Variants in GOLIM4 observed in about 807,000 individuals in gnomAD.
GOLIM4 encodes 130 kDa golgi-localized phosphoprotein.
In GOLIM4, 71 loss-of-function variants were observed where a neutral mutation model predicts 107.4. The observed-to-expected ratio is 0.66, with a 90% CI of 0.55 to 0.81. The LOEUF is 0.81. GOLIM4 is among the 30% of genes least tolerant of loss of function. The pLI, the probability that GOLIM4 is intolerant of heterozygous loss-of-function variation, is 0.00. For synonymous variants in GOLIM4, 327 were observed against 294.8 expected, an observed-to-expected ratio of 1.11 and a Z score of -1.12; for missense variants, 830 against 826.1, an observed-to-expected ratio of 1.00 and a Z score of -0.06.
At chr3:168,059,192 C>T (rs1048353741) in intron 1 of GOLIM4, among the ~76,000 whole-genome samples, 3 of 152,136 alleles carry the variant, frequency 2.0e-5, no homozygotes, top group South Asian at 2.1e-4. Flanking sequence ...CTTGCCTTTA[C>T]GGACGCTGCA....
intron 1 of GOLIM4, among the ~76,000 whole-genome samples, chr3:168,050,599 T>G (rs1458133617): frequency 2.6e-5 from 4 of 151,994 alleles, no homozygotes; most frequent in African/African-American, 9.7e-5. Flanking sequence ...AACACTCCCT[T>G]CACCGCCAAT....
chr3:168,016,680 G>A (rs1717382740), intron 14 of GOLIM4, among the ~76,000 whole-genome samples: 3 of 134,016 alleles, frequency 2.2e-5, no homozygotes, highest in Admixed American at 2.1e-4. Flanking sequence ...AAGAAAATGT[G>A]GCACATATAC....
intron 5 of GOLIM4, 59 bp downstream of exon 5, chr3:168,043,320 T>C: frequency 8.1e-7 from 1 of 1,231,154 alleles, no homozygotes; most frequent in Non-Finnish European, 1.2e-6. Context: ...ACAGTTGCAC[T>C]GAAACATTAA....
chr3:168,028,385 TG>T (rs952795910), intron 11 of GOLIM4, among the ~76,000 whole-genome samples: 1 of 152,184 alleles, frequency 6.6e-6, no homozygotes, highest in African/African-American at 2.4e-5. Flanking sequence ...TGCTGCTTTT[TG>T]AAAAAATATT....
At chr3:168,022,634 C>G (rs78090302) in intron 14 of GOLIM4, among the ~76,000 whole-genome samples, 4,480 of 152,142 alleles carry the variant, frequency 0.029, 208 homozygotes, top group African/African-American at 0.1. Flanking sequence ...TAACCACACA[C>G]AAAAATACAA....
At chr3:168,035,573 C>G (rs1236727536) in intron 8 of GOLIM4, among the ~76,000 whole-genome samples, 1 of 152,156 alleles carries the variant, frequency 6.6e-6, no homozygotes, top group African/African-American at 2.4e-5. Context: ...TACATGTTCT[C>G]ACTTATAAGT....
At chr3:168,065,509 T>C (rs887697853) in intron 1 of GOLIM4, among the ~76,000 whole-genome samples, 1 of 152,236 alleles carries the variant, frequency 6.6e-6, no homozygotes, top group Non-Finnish European at 1.5e-5. Flanking sequence ...TGTATGACTG[T>C]GTAAAATGCG....
At chr3:168,084,286 A>T (rs1721513058) in intron 1 of GOLIM4, among the ~76,000 whole-genome samples, 1 of 152,118 alleles carries the variant, frequency 6.6e-6, no homozygotes, top group Non-Finnish European at 1.5e-5. Context: ...TAGCCTGTGG[A>T]ATTGTGAGTC....
At position 168,043,488 on chromosome 3, in the gene GOLIM4, T is replaced by C. The variant is rs774569497; in HGVS notation, c.408A>G (p.Glu136=). The C allele has an allele frequency of 6.2e-7, 1 of 1,613,642 alleles. No individual in the cohort carries two copies. The highest frequency in any genetic ancestry group is 8.5e-7 in the Non-Finnish European group (1 of 1,179,772). The change falls in exon 5 of 16, where the codon GAA becomes GAG. Residue 136 remains glutamate (E), a synonymous_variant. Transcript: ENST00000470487. ...EELKKQHSDL[E]EEHRKQGEDF... is the part of the protein sequence containing the mutation. The stretch of plus-strand genomic sequence containing the variant: ...CTTCCCCTTGTTTGCGATGTTCCTC[T>C]TCCAAGTCACTGTGCTGTTTCTTTA...
chr3:168,069,796 G>T (rs1720745837), intron 1 of GOLIM4, among the ~76,000 whole-genome samples: 1 of 152,112 alleles, frequency 6.6e-6, no homozygotes, highest in African/African-American at 2.4e-5. Flanking sequence ...CTTGTAATAT[G>T]CTAAACTAAA....
chr3:168,025,074 T>A lies in GOLIM4; in HGVS notation c.1645A>T (p.Asn549Tyr). 6.2e-7 allele frequency: 1 copy of A among 1,613,778 alleles called. No homozygotes were observed. ...TGATTATTAGGGTCATCTGCTGGGT[T>A]TATATCTTCTACAGCTGCCCTCTGT... ...EADRAAVEDINPADDPNNQGE... is the reference protein window; with the variant it reads ...EADRAAVEDIYPADDPNNQGE... Residue 549 changes from asparagine (N) to tyrosine (Y), a missense_variant, in exon 13 of 16, where the codon AAC (asparagine) becomes TAC (tyrosine). Physicochemically the swap from Asn to Tyr is moderately radical, Grantham distance 143 (BLOSUM62 -2). Transcript: ENST00000470487.
At position 168,089,771 on chromosome 3, in the gene GOLIM4, T is replaced by C. The variant is rs77634375; in HGVS notation, c.187+5328A>G. ...TTCTGTGCTGAAGATGTTTCTCTCTTTTTTTTTTTTTTTTTGAGACAGAGT... is the reference window on the plus strand; with the variant it reads ...TTCTGTGCTGAAGATGTTTCTCTCTCTTTTTTTTTTTTTTTGAGACAGAGT... On this transcript the variant is annotated intron_variant, in intron 1 of 15. Transcript: ENST00000470487. 3.7e-3 allele frequency among the ~76,000 whole-genome samples: 543 copies of C among 145,966 alleles called. 5 individuals carry two copies. The highest frequency in any genetic ancestry group is 0.011 in the Middle Eastern group (3 of 262).
chr3:168,030,097 A>G, intron 9 of GOLIM4, 61 bp from the exon 10 acceptor site: 2 of 1,536,936 alleles, frequency 1.3e-6, no homozygotes, highest in Non-Finnish European at 8.9e-7. Context: ...TTTTCTCTTC[A>G]TTTGTTTCTC....
intron 3 of GOLIM4, 123 bp downstream of exon 3, chr3:168,046,827 T>G (rs1005270971): frequency 2.2e-4 from 102 of 456,748 alleles, no homozygotes; most frequent in South Asian, 1.5e-3. Context: ...AAAGGGGGTG[T>G]CAGTCCTATA....
chr3:168,035,330 C>G (rs1206029302), intron 8 of GOLIM4, among the ~76,000 whole-genome samples: 2 of 152,180 alleles, frequency 1.3e-5, no homozygotes, highest in Admixed American at 6.5e-5. Context: ...GAATAGAAAT[C>G]ATTCCATTAT....
intron 10 of GOLIM4, 39 bp downstream of exon 10, chr3:168,029,741 C>A (rs1010202725): frequency 6.2e-7 from 1 of 1,602,302 alleles, no homozygotes; most frequent in African/African-American, 1.3e-5. Flanking sequence ...AAAACTGGAG[C>A]AGGGGCTGTC....
At chr3:168,042,547 C>T (rs547136219) in intron 5 of GOLIM4, among the ~76,000 whole-genome samples, 1 of 152,304 alleles carries the variant, frequency 6.6e-6, no homozygotes, top group African/African-American at 2.4e-5. Context: ...TCCCAAAGTG[C>T]TAGGATTACA....
chr3:168,046,825 T>C, intron 3 of GOLIM4, 125 bp downstream of exon 3: 2 of 420,956 alleles, frequency 4.8e-6, no homozygotes, highest in Admixed American at 9.6e-5. Flanking sequence ...AAAAAGGGGG[T>C]GTCAGTCCTA....
intron 14 of GOLIM4, among the ~76,000 whole-genome samples, chr3:168,016,602 T>C (rs1469266379): frequency 7.5e-6 from 1 of 133,350 alleles, no homozygotes; most frequent in African/African-American, 4.1e-5. Flanking sequence ...TGTATGTTTA[T>C]TGTGGCATTA....
Sources: allele counts gnomAD v4.1 joint callset (sites outside exome capture counted in the v4.1 genomes callset), GRCh38; gene constraint gnomAD v4.1.1; transcripts MANE v1.5; gene names NCBI Gene and HGNC (gene_info 2026-07-23, HGNC 2026-07-21).